The following PDS5B variants were observed in gnomAD, a reference collection of about 807,000 sequenced individuals.
The protein encoded by PDS5B is sister chromatid cohesion protein PDS5 homolog B.
A neutral mutation model predicts 184.1 loss-of-function variants in PDS5B; 51 were observed. The observed-to-expected ratio is 0.28, with a 90% confidence interval of 0.22 to 0.35. The LOEUF (loss-of-function observed/expected upper bound fraction) is 0.35, where lower values mean the gene tolerates loss of function less well. Ranked by LOEUF, PDS5B falls within the 10% of genes least tolerant of loss-of-function variation. PDS5B has a pLI of 1.00. For missense variants in PDS5B, 1,180 were observed against 1,723.3 expected (o/e 0.68, Z 5.58); for synonymous variants, 566 against 569.2 (o/e 0.99, Z 0.08).
At chr13:32,774,494 A>G (rs1300848238) in intron 34 of PDS5B, among the ~76,000 whole-genome samples, 5 of 152,274 alleles carry the variant, frequency 3.3e-5, no homozygotes, top group South Asian at 4.1e-4. Flanking sequence ...TTATATTCCT[A>G]TTGTTAATAT....
At chr13:32,737,750 G>A (rs913768497) in intron 21 of PDS5B, among the ~76,000 whole-genome samples, 70 of 152,188 alleles carry the variant, frequency 4.6e-4, no homozygotes, top group African/African-American at 1.6e-3. Context: ...TATGTACAAA[G>A]GAATATATGT....
At chr13:32,750,324 C>G (rs1953925922) in intron 24 of PDS5B, among the ~76,000 whole-genome samples, 1 of 152,118 alleles carries the variant, frequency 6.6e-6, no homozygotes, top group African/African-American at 2.4e-5. Flanking sequence ...AATGAATGGC[C>G]TGTTCATTTG....
intron 1 of PDS5B, among the ~76,000 whole-genome samples, chr13:32,637,946 A>G (rs2058590258): frequency 6.6e-6 from 1 of 152,130 alleles, no homozygotes; most frequent in African/African-American, 2.4e-5. Flanking sequence ...GTATATTGGC[A>G]ATTTGGGTTT....
rs1051188276 is a variant in PDS5B, at chr13:32,758,078, T to G, written c.3057-9T>G. 1.1e-5 allele frequency: 14 copies of G among 1,273,586 alleles called. No homozygotes were observed. In the African/African-American group the frequency reaches 2.0e-4, roughly 18 times the overall value. The allele number at this position is 1,273,586 out of a possible 1,614,324, so 78.9% of individuals were successfully genotyped here. A position where few individuals can be genotyped will look rare whatever the true frequency, so the allele number is the denominator to read the frequency against. ...TCTATATTTCTTTTTTCCTTTTTTT[T>G]TTTTTTAGATGTCTTTGGTTTGTTC... On this transcript the variant is annotated splice_polypyrimidine_tract_variant and intron_variant, in intron 26 of 34. Transcript: ENST00000315596.
intron 1 of PDS5B, among the ~76,000 whole-genome samples, chr13:32,603,218 A>G (rs1430668812): frequency 6.6e-6 from 1 of 152,160 alleles, no homozygotes; most frequent in Non-Finnish European, 1.5e-5. Flanking sequence ...TAGAGTTTTT[A>G]TGGTTTTAGG....
intron 28 of PDS5B, among the ~76,000 whole-genome samples, chr13:32,758,996 G>A (rs1411295172): frequency 6.6e-6 from 1 of 152,080 alleles, no homozygotes; most frequent in African/African-American, 2.4e-5. Context: ...TTTATAATTG[G>A]TATGAGGAAA....
chr13:32,745,567 G>T (rs993161299), intron 23 of PDS5B, among the ~76,000 whole-genome samples: 4 of 152,158 alleles, frequency 2.6e-5, no homozygotes, highest in Non-Finnish European at 4.4e-5. Flanking sequence ...ATAAACAACA[G>T]AAATTTATAT....
At chr13:32,596,488 G>A (rs2057873224) in intron 1 of PDS5B, among the ~76,000 whole-genome samples, 2 of 152,124 alleles carry the variant, frequency 1.3e-5, no homozygotes, top group Non-Finnish European at 1.5e-5. Flanking sequence ...TTTTGCAAGT[G>A]TGTGTTTTCA....
Position 32,688,502 on chromosome 13 carries a change from T to C in PDS5B, c.1402T>C (p.Leu468=). 6.2e-7 allele frequency: 1 copy of C among 1,610,004 alleles called. No homozygotes were observed. Among genetic ancestry groups the C allele is most frequent in the South Asian group, 1.1e-5 (1 of 90,730 alleles). Residue 468 remains leucine (L), a synonymous_variant, in exon 13 of 35, where the codon TTA becomes CTA. Transcript: ENST00000315596. ...TGCTCAATACATGGTTCCTCACAAT[T>C]TAGAAACTACAGAACGGATGAAATG... ...IFAQYMVPHN[L]ETTERMKCLY... is the part of the protein sequence containing the mutation.
chr13:32,765,305 C>T (rs777791775), intron 31 of PDS5B, among the ~76,000 whole-genome samples: 2 of 152,208 alleles, frequency 1.3e-5, no homozygotes, highest in Non-Finnish European at 2.9e-5. Context: ...GGATACTTAG[C>T]TGGTAAGCTT....
At position 32,692,113 on chromosome 13, in the gene PDS5B, C is replaced by G. The variant is rs1951566639; in HGVS notation, c.1470-2110C>G. Reference sequence around the variant, plus strand: ...AAATAGCTGCTTGTCAGGCATGTTCCTGGTAAGAACTTGTTTGGTTAGAAT... The same window carrying G: ...AAATAGCTGCTTGTCAGGCATGTTCGTGGTAAGAACTTGTTTGGTTAGAAT... On this transcript the variant is annotated intron_variant, in intron 13 of 34. Transcript: ENST00000315596. Among the ~76,000 whole-genome samples, 3 of 152,136 alleles carry G rather than the reference C, an allele frequency of 2.0e-5. No individual in the cohort carries two copies. The South Asian group carries it at 6.2e-4, about 32-fold the overall frequency.
At chr13:32,626,302 C>T (rs2058370156) in intron 1 of PDS5B, among the ~76,000 whole-genome samples, 1 of 152,150 alleles carries the variant, frequency 6.6e-6, no homozygotes, top group African/African-American at 2.4e-5. Flanking sequence ...GTCCTATGTT[C>T]CTCCTCAACT....
intron 21 of PDS5B, among the ~76,000 whole-genome samples, chr13:32,739,412 A>C (rs1953460965): frequency 6.6e-6 from 1 of 152,188 alleles, no homozygotes; most frequent in Admixed American, 6.5e-5. Context: ...CACACAACTT[A>C]TGTTAGGCAC....
At chr13:32,748,603 C>T (rs935549436) in intron 24 of PDS5B, among the ~76,000 whole-genome samples, 9 of 151,854 alleles carry the variant, frequency 5.9e-5, no homozygotes, top group East Asian at 1.9e-4. Flanking sequence ...TTTCAAGACT[C>T]GGGTCCTACT....
At chr13:32,738,881 A>G (rs1483256226) in intron 21 of PDS5B, among the ~76,000 whole-genome samples, 1 of 152,138 alleles carries the variant, frequency 6.6e-6, no homozygotes. Flanking sequence ...CATGTTGGCC[A>G]GGCTGGTCTC....
At chr13:32,706,517 T>A (rs1170809707) in intron 17 of PDS5B, among the ~76,000 whole-genome samples, 1 of 152,122 alleles carries the variant, frequency 6.6e-6, no homozygotes, top group Non-Finnish European at 1.5e-5. Context: ...ACAGTAATAT[T>A]TGGTAAATGG....
rs943277851 is a variant in PDS5B at position 32,707,174 on chromosome 13, T to C, written c.1962+135T>C. 5.9e-6 allele frequency: 3 copies of C among 507,856 alleles called. No homozygotes were observed. In the Admixed American group the frequency reaches 1.2e-4, roughly 20 times the overall value. The allele number at this position is 507,856 out of a possible 1,614,324, so 31.5% of individuals were successfully genotyped here. Reference sequence around the variant, plus strand: ...AATTTTCTCAGTTGTTTTAGATGATTTAGAAGTTGTATATTTATTCTTACA... The same window carrying C: ...AATTTTCTCAGTTGTTTTAGATGATCTAGAAGTTGTATATTTATTCTTACA... On this transcript the variant is annotated intron_variant, in intron 18 of 34. Coordinates refer to ENST00000315596, the MANE Select transcript of PDS5B (RefSeq NM_015032.4).
chr13:32,639,387 C>T (rs930420206), intron 1 of PDS5B, among the ~76,000 whole-genome samples: 3 of 152,044 alleles, frequency 2.0e-5, no homozygotes, highest in Non-Finnish European at 2.9e-5. Flanking sequence ...AAGTATTCAC[C>T]GTCACTGTTT....
At chr13:32,644,965 T>C (rs1950182248) in intron 1 of PDS5B, among the ~76,000 whole-genome samples, 1 of 152,196 alleles carries the variant, frequency 6.6e-6, no homozygotes, top group African/African-American at 2.4e-5. Flanking sequence ...TTTGCATTTA[T>C]GATTAAGATT....
Sources: gnomAD v4.1 joint callset for allele counts (sites outside exome capture counted in the v4.1 genomes callset) on GRCh38, gnomAD v4.1.1 for gene constraint, MANE v1.5 for transcripts, NCBI Gene and HGNC (gene_info 2026-07-23, HGNC 2026-07-21) for gene names.